Variants in RBFOX1 observed in about 807,000 individuals in gnomAD.
RBFOX1 encodes the protein RNA binding protein fox-1 homolog 1.
In RBFOX1, 8 loss-of-function variants were observed where a neutral mutation model predicts 57.7. The observed-to-expected ratio is 0.14, with a 90% confidence interval of 0.08 to 0.25. The LOEUF (loss-of-function observed/expected upper bound fraction) is 0.25. Among genes scored for constraint, RBFOX1 ranks in the 10% least tolerant of loss-of-function variants. The probability of loss-of-function intolerance (pLI) is 1.00; values close to 1 mark genes in which losing one functional copy is unlikely to be tolerated. For synonymous variants in RBFOX1, 326 were observed against 222.4 expected (o/e 1.47, Z -4.15); for missense variants, 611 against 548.5 (o/e 1.11, Z -1.14).
intron 4 of RBFOX1, among the ~76,000 whole-genome samples, chr16:7,186,582 AAGCTTAAAC>A (rs1246224782): frequency 3.2e-4 from 38 of 119,258 alleles, no homozygotes; most frequent in African/African-American, 1.3e-3. Context: ...ATATAAATAT[AAGCTTAAAC>A]ATATTTATAT....
intron 4 of RBFOX1, among the ~76,000 whole-genome samples, chr16:7,235,020 C>G (rs1203312344): frequency 6.6e-6 from 1 of 151,968 alleles, no homozygotes; most frequent in Non-Finnish European, 1.5e-5. Context: ...CGATTTTTTG[C>G]AAGGCAAGTC....
intron 3 of RBFOX1, among the ~76,000 whole-genome samples, chr16:5,649,565 A>T (rs1326125614): frequency 6.6e-6 from 1 of 152,316 alleles, no homozygotes; most frequent in Non-Finnish European, 1.5e-5. Flanking sequence ...AACAGAAATC[A>T]TAGCTAAGCT....
chr16:6,700,617 C>A (rs1226101802), intron 3 of RBFOX1, among the ~76,000 whole-genome samples: 2 of 152,074 alleles, frequency 1.3e-5, no homozygotes, highest in South Asian at 2.1e-4. Context: ...GAGATCGCAC[C>A]ACTGCACTCC....
intron 4 of RBFOX1, among the ~76,000 whole-genome samples, chr16:7,076,416 C>G (rs977159682): frequency 6.6e-6 from 1 of 151,680 alleles, no homozygotes; most frequent in Admixed American, 6.6e-5. Flanking sequence ...AAGAAAAGAC[C>G]AAGAAGAGTC....
At chr16:6,068,176 C>A (rs1010292920) in intron 1 of RBFOX1, among the ~76,000 whole-genome samples, 1 of 152,108 alleles carries the variant, frequency 6.6e-6, no homozygotes, top group African/African-American at 2.4e-5. Flanking sequence ...TACGTCTGCT[C>A]CCCTTTGGGT....
chr16:6,124,085 C>G (rs987563660), intron 1 of RBFOX1, among the ~76,000 whole-genome samples: 12 of 152,296 alleles, frequency 7.9e-5, no homozygotes, highest in Admixed American at 6.5e-4. Context: ...AGACTGGTAA[C>G]TCGTGGGCTG....
intron 6 of RBFOX1, among the ~76,000 whole-genome samples, chr16:7,581,909 G>T (rs1389992963): frequency 6.6e-6 from 1 of 151,802 alleles, no homozygotes; most frequent in Non-Finnish European, 1.5e-5. Context: ...TAGAGATGGG[G>T]TCTCAATTTG....
intron 2 of RBFOX1, among the ~76,000 whole-genome samples, chr16:6,598,153 C>T (rs368646340): frequency 3.9e-5 from 6 of 152,244 alleles, no homozygotes; most frequent in African/African-American, 1.2e-4. Context: ...TTCACACACA[C>T]ATCTGTTTCC....
At chr16:5,813,609 A>T (rs144473346) in intron 3 of RBFOX1, among the ~76,000 whole-genome samples, 1 of 152,250 alleles carries the variant, frequency 6.6e-6, no homozygotes, top group African/African-American at 2.4e-5. Context: ...AGAAAAGGCA[A>T]GTCTCACTAT....
At chr16:6,134,047 C>G (rs756075711) in intron 1 of RBFOX1, among the ~76,000 whole-genome samples, 1 of 151,950 alleles carries the variant, frequency 6.6e-6, no homozygotes, top group Non-Finnish European at 1.5e-5. Context: ...AGTGATTCTC[C>G]TGCCTCAGCC....
At chr16:6,023,335 T>C (rs2095122307) in intron 1 of RBFOX1, among the ~76,000 whole-genome samples, 1 of 152,108 alleles carries the variant, frequency 6.6e-6, no homozygotes, top group Non-Finnish European at 1.5e-5. Flanking sequence ...GACATCCTCA[T>C]GTCTCTGATG....
chr16:7,624,106 G>A (rs1484131669), intron 10 of RBFOX1, among the ~76,000 whole-genome samples: 1 of 152,162 alleles, frequency 6.6e-6, no homozygotes, highest in Non-Finnish European at 1.5e-5. Flanking sequence ...GGACTTAGTT[G>A]TTCTGTGCCA....
At chr16:7,255,849 C>T (rs762984226) in intron 4 of RBFOX1, among the ~76,000 whole-genome samples, 88 of 152,266 alleles carry the variant, frequency 5.8e-4, no homozygotes, top group Non-Finnish European at 1.1e-3. Flanking sequence ...CGTCTCATTT[C>T]AGATCAGTCA....
intron 3 of RBFOX1, among the ~76,000 whole-genome samples, chr16:5,650,140 A>G (rs1567346480): frequency 6.6e-6 from 1 of 152,210 alleles, no homozygotes. Context: ...CAGGGACTCA[A>G]CAGCCTCCAG....
chr16:7,446,445 C>A (rs2098808169), intron 4 of RBFOX1, among the ~76,000 whole-genome samples: 1 of 152,186 alleles, frequency 6.6e-6, no homozygotes, highest in Non-Finnish European at 1.5e-5. Flanking sequence ...AGTTCTCCCT[C>A]ACTGTTGTGG....
chr16:6,727,367 T>G (rs2067474531), intron 3 of RBFOX1, among the ~76,000 whole-genome samples: 1 of 152,204 alleles, frequency 6.6e-6, no homozygotes, highest in Admixed American at 6.5e-5. Flanking sequence ...AAGAATATTT[T>G]CTTAAGTATC....
chr16:6,218,006 A>T (rs2097347354), intron 1 of RBFOX1, among the ~76,000 whole-genome samples: 1 of 152,212 alleles, frequency 6.6e-6, no homozygotes, highest in East Asian at 1.9e-4. Context: ...GCAGAGTGAG[A>T]TTCTGTCTCA....
At chr16:6,438,371 C>G (rs1207940959) in intron 2 of RBFOX1, among the ~76,000 whole-genome samples, 2 of 152,086 alleles carry the variant, frequency 1.3e-5, no homozygotes, top group Non-Finnish European at 2.9e-5. Flanking sequence ...GGCCACTTAC[C>G]TAAGAAGTGG....
At chr16:5,961,496 AC>A (rs1193800954) in intron 4 of RBFOX1, among the ~76,000 whole-genome samples, 1 of 151,996 alleles carries the variant, frequency 6.6e-6, no homozygotes, top group Non-Finnish European at 1.5e-5. Context: ...ACAAAACAAA[AC>A]AAAACAATAG....
Sources: gnomAD v4.1 joint callset for allele counts (sites outside exome capture counted in the v4.1 genomes callset) on GRCh38, gnomAD v4.1.1 for gene constraint, MANE v1.5 for transcripts, NCBI Gene and HGNC (gene_info 2026-07-23, HGNC 2026-07-21) for gene names.